Variants in B3GAT2 observed in about 807,000 individuals in gnomAD.
The protein encoded by B3GAT2 is beta-1,3-glucuronyltransferase 2.
B3GAT2 carries 26 observed loss-of-function variants against 27.8 expected under a neutral mutation model. That is an observed-to-expected ratio of 0.93 (90% confidence interval 0.68 to 1.30). The LOEUF is 1.30. B3GAT2 is among the 50% of genes most tolerant of loss of function. The pLI is 0.00. For missense variants in B3GAT2, 458 were observed against 459.0 expected (o/e 1.00, Z 0.02); for synonymous variants, 218 against 195.1 (o/e 1.12, Z -0.98).
chr6:70,940,064 A>G lies in B3GAT2; in HGVS notation c.591+15775T>C, dbSNP rs1765363873. ...CTTGCCAGAAACTGAAATGGAGGGT[A>G]CAGGGTCTGTGGAGAAGGAACAAGG... On this transcript the variant is annotated intron_variant, in intron 1 of 3. Coordinates refer to ENST00000230053, the MANE Select transcript of B3GAT2 (RefSeq NM_080742.3). 1.3e-5 allele frequency among the ~76,000 whole-genome samples: 2 copies of G among 152,024 alleles called. 1 individual carries two copies. Among genetic ancestry groups the G allele is most frequent in the African/African-American group, 4.8e-5 (2 of 41,406 alleles).
chr6:70,887,557 G>A (rs1725625023), intron 2 of B3GAT2, among the ~76,000 whole-genome samples: 1 of 152,164 alleles, frequency 6.6e-6, no homozygotes. Flanking sequence ...GCTGGGATTG[G>A]GCAAGGAGTG....
At chr6:70,894,801 T>C (rs1055503857) in intron 1 of B3GAT2, among the ~76,000 whole-genome samples, 1 of 152,110 alleles carries the variant, frequency 6.6e-6, no homozygotes, top group Non-Finnish European at 1.5e-5. Context: ...TCCAGAGTGA[T>C]AAAAAGAAAC....
chr6:70,953,833 T>C (rs1274469899), intron 1 of B3GAT2, among the ~76,000 whole-genome samples: 2 of 152,206 alleles, frequency 1.3e-5, no homozygotes, highest in Non-Finnish European at 2.9e-5. Flanking sequence ...CTCCTCATTT[T>C]ATATTTTCCC....
chr6:70,901,815 T>C (rs910734849), intron 1 of B3GAT2, among the ~76,000 whole-genome samples: 3 of 152,216 alleles, frequency 2.0e-5, no homozygotes, highest in African/African-American at 7.2e-5. Flanking sequence ...ATTTCAAAAA[T>C]GTATGGAGGC....
intron 1 of B3GAT2, among the ~76,000 whole-genome samples, chr6:70,926,280 G>A (rs145250189): frequency 2.9e-3 from 437 of 152,284 alleles, no homozygotes; most frequent in East Asian, 4.8e-3. Flanking sequence ...CCAAAGGATC[G>A]CAGCTCCTCG....
rs746212722 is a variant in B3GAT2 at position 70,857,127 on chromosome 6, G to A, written c.*4536C>T. The A allele has an allele frequency of 1.5e-5, 18 of 1,224,402 alleles. No homozygotes were observed. Among genetic ancestry groups the A allele is most frequent in the Non-Finnish European group, 2.0e-5 (18 of 914,736 alleles). 75.8% of individuals were successfully genotyped at this position (1,224,402 alleles called of 1,614,324 possible). ...AATTATATATCTTTTATTGTTCCATGTAGTGAGTGCTTTTGTTGTTGCAGT... is the reference window on the plus strand; with the variant it reads ...AATTATATATCTTTTATTGTTCCATATAGTGAGTGCTTTTGTTGTTGCAGT... On this transcript the variant is annotated 3_prime_UTR_variant, in exon 4 of 4. Coordinates refer to ENST00000230053, the MANE Select transcript of B3GAT2 (RefSeq NM_080742.3).
chr6:70,955,819 C>T lies in B3GAT2; in HGVS notation c.591+20G>A. ...CCCACTCCCGCCCTCGCCCACCCAGCGGGGCAGGCTGGCCTTTACCTCCTG... is the reference window on the plus strand; with the variant it reads ...CCCACTCCCGCCCTCGCCCACCCAGTGGGGCAGGCTGGCCTTTACCTCCTG... On this transcript the variant is annotated intron_variant, in intron 1 of 3. Transcript: ENST00000230053. 1.3e-6 allele frequency: 2 copies of T among 1,569,438 alleles called. No individual in the cohort carries two copies. Among genetic ancestry groups the T allele is most frequent in the Non-Finnish European group, 1.7e-6 (2 of 1,159,562 alleles).
At chr6:70,866,866 C>G (rs1171501167) in intron 2 of B3GAT2, among the ~76,000 whole-genome samples, 1 of 152,216 alleles carries the variant, frequency 6.6e-6, no homozygotes, top group Non-Finnish European at 1.5e-5. Flanking sequence ...AGAATACAAT[C>G]TTTTAAAGTA....
chr6:70,889,312 AGCTGT>A (rs1325523990), intron 2 of B3GAT2, among the ~76,000 whole-genome samples: 43 of 152,218 alleles, frequency 2.8e-4, no homozygotes, highest in African/African-American at 1.0e-3. Context: ...AAGAGGAAAA[AGCTGT>A]TATACCCCTT....
At chr6:70,936,268 C>A (rs947368370) in intron 1 of B3GAT2, among the ~76,000 whole-genome samples, 1 of 151,930 alleles carries the variant, frequency 6.6e-6, no homozygotes, top group African/African-American at 2.4e-5. Context: ...CCTGAGTGAC[C>A]TACAAAGAGA....
chr6:70,933,012 C>G (rs1773084809), intron 1 of B3GAT2, among the ~76,000 whole-genome samples: 1 of 152,138 alleles, frequency 6.6e-6, no homozygotes, highest in Admixed American at 6.6e-5. Flanking sequence ...GTTACCCAAG[C>G]TGGTCTCGAA....
chr6:70,889,411 T>C (rs1040248324), intron 2 of B3GAT2, among the ~76,000 whole-genome samples: 1 of 152,106 alleles, frequency 6.6e-6, no homozygotes, highest in Admixed American at 6.5e-5. Flanking sequence ...CTCCTAGTCA[T>C]GCTCCCCACC....
intron 1 of B3GAT2, among the ~76,000 whole-genome samples, chr6:70,930,475 A>T (rs372243787): frequency 1.3e-5 from 2 of 152,184 alleles, no homozygotes; most frequent in East Asian, 1.9e-4. Flanking sequence ...GAATCTACAA[A>T]GAACTTAAAC....
At chr6:70,921,485 C>T (rs1296589209) in intron 1 of B3GAT2, among the ~76,000 whole-genome samples, 2 of 152,216 alleles carry the variant, frequency 1.3e-5, no homozygotes, top group East Asian at 1.9e-4. Flanking sequence ...ATGGCTATTT[C>T]GTTTCATCTC....
chr6:70,956,267 G>T lies in B3GAT2; in HGVS notation c.163C>A (p.Arg55Ser). 1.2e-6 allele frequency: 2 copies of T among 1,610,238 alleles called. No individual in the cohort carries two copies. The highest frequency in any genetic ancestry group is 1.7e-6 in the Non-Finnish European group (2 of 1,178,102). ...VGRGGARLPL[R>S]RGGPAHGTQK... ...GTCCCGTGAGCCGGGCCGCCCCTGC[G>T]GAGCGGGAGTCGGGCGCCCCCGCGG... The change falls in exon 1 of 4, where the codon CGC (arginine) becomes AGC (serine). Residue 55 changes from arginine (R) to serine (S), a missense_variant. By Grantham distance (110) the Arg-to-Ser change is moderately radical. Transcript: ENST00000230053.
intron 2 of B3GAT2, among the ~76,000 whole-genome samples, chr6:70,892,647 G>A (rs775819144): frequency 3.3e-5 from 5 of 152,188 alleles, no homozygotes; most frequent in Admixed American, 6.5e-5. Context: ...GGAGGGCCCT[G>A]GTGGTCATCT....
At chr6:70,920,218 G>A (rs539625734) in intron 1 of B3GAT2, among the ~76,000 whole-genome samples, 2 of 152,338 alleles carry the variant, frequency 1.3e-5, no homozygotes, top group South Asian at 4.1e-4. Flanking sequence ...ATGAGCGTGG[G>A]ACCCACCGAG....
chr6:70,920,812 T>C (rs1183939433), intron 1 of B3GAT2, among the ~76,000 whole-genome samples: 1 of 152,246 alleles, frequency 6.6e-6, no homozygotes, highest in African/African-American at 2.4e-5. Context: ...TAAGGACCTC[T>C]TGTAAGGCAT....
At position 70,860,182 on chromosome 6, in the gene B3GAT2, C is replaced by A; in HGVS notation, c.*1481G>T. 6.3e-7 allele frequency: 1 copy of A among 1,594,988 alleles called. No individual in the cohort carries two copies. ...GTGAAGTAAGCCTCTTGAACTAAGC[C>A]TTTTATATGTTTCACAGATGAATCA... On this transcript the variant is annotated 3_prime_UTR_variant, in exon 4 of 4. Coordinates refer to ENST00000230053, the MANE Select transcript of B3GAT2 (RefSeq NM_080742.3).
Sources: allele counts gnomAD v4.1 joint callset (sites outside exome capture counted in the v4.1 genomes callset), GRCh38; gene constraint gnomAD v4.1.1; transcripts MANE v1.5; gene names NCBI Gene and HGNC (gene_info 2026-07-23, HGNC 2026-07-21).